The following FLT3LG variants were observed in gnomAD, a reference collection of about 807,000 sequenced individuals.
FLT3LG encodes fms related receptor tyrosine kinase 3 ligand.
Under a neutral mutation model 30.9 loss-of-function variants are expected in FLT3LG, and 8 were observed. That is an observed-to-expected ratio of 0.26 (90% CI 0.15 to 0.47). The LOEUF (loss-of-function observed/expected upper bound fraction) is 0.47, where lower values mean the gene tolerates loss of function less well. Among genes scored for constraint, FLT3LG ranks in the 20% least tolerant of loss-of-function variants. The pLI, the probability that FLT3LG is intolerant of heterozygous loss-of-function variation, is 0.99. For synonymous variants in FLT3LG, 123 were observed against 135.9 expected, an observed-to-expected ratio of 0.91 and a Z score of 0.66; for missense variants, 278 against 306.2, an observed-to-expected ratio of 0.91 and a Z score of 0.69.
In FLT3LG at chr19:49,480,904, T is replaced by C. The variant is rs186595431; in HGVS notation, c.*21+284T>C. ...AAAATTAACTGGGCATAGTGGTGTG[T>C]GCCTGTAATCCCAGCTACTCAGGAG... On this transcript the variant is annotated intron_variant, in intron 8 of 8. Transcript: ENST00000597551. The C allele has an allele frequency of 2.2e-3, 780 of 357,772 alleles. 3 individuals are homozygous for C. The highest frequency in any genetic ancestry group is 0.015 in the African/African-American group (736 of 47,878). The allele number at this position is 357,772 out of a possible 1,614,324, so 22.2% of individuals were successfully genotyped here. A position where few individuals can be genotyped will look rare whatever the true frequency, so the allele number is the denominator to read the frequency against.
rs371738262 is a variant in FLT3LG at position 49,484,654 on chromosome 19, A to G, written c.*22-1361A>G. On this transcript the variant is annotated intron_variant, in intron 8 of 8. Coordinates refer to ENST00000597551, the MANE Select transcript of FLT3LG (RefSeq NM_001459.4). ...TGGGATTACAGGCACACACCACCAC[A>G]CCTGGCTAATTTTTGTATTTTTAGT... Among the ~76,000 whole-genome samples, 705 of 151,426 alleles carry G rather than the reference A, an allele frequency of 4.7e-3. 2 individuals are homozygous for G. Among genetic ancestry groups the G allele is most frequent in the African/African-American group, 0.016 (677 of 41,268 alleles).
At chr19:49,477,203 G>A (rs1209425644) in intron 5 of FLT3LG, among the ~76,000 whole-genome samples, 1 of 152,116 alleles carries the variant, frequency 6.6e-6, no homozygotes, top group Non-Finnish European at 1.5e-5. Flanking sequence ...CACTTTCGGA[G>A]GCCAAGGTGG....
At chr19:49,480,861 G>A in intron 8 of FLT3LG, 1 of 513,936 alleles carries the variant, frequency 1.9e-6, no homozygotes, top group South Asian at 2.4e-5. Flanking sequence ...GCAAACCCCA[G>A]TCTCTACTAA....
chr19:49,484,448 C>A (rs1248323016), intron 8 of FLT3LG, among the ~76,000 whole-genome samples: 1 of 151,820 alleles, frequency 6.6e-6, no homozygotes, highest in Admixed American at 6.6e-5. Context: ...GCGCCTGCCA[C>A]CACGCCCAAC....
chr19:49,474,682 C>T lies in FLT3LG; in HGVS notation c.33+10C>T. ...AGCCTGGAGCCCAACAGTGCGTAAACCCCAGGGACAAGATCAGGGGAGAGG... is the reference window on the plus strand; with the variant it reads ...AGCCTGGAGCCCAACAGTGCGTAAATCCCAGGGACAAGATCAGGGGAGAGG... On this transcript the variant is annotated intron_variant, in intron 2 of 8. Transcript: ENST00000597551. 3 of 1,611,642 alleles carry T rather than the reference C, an allele frequency of 1.9e-6. No individual in the cohort carries two copies. Among genetic ancestry groups the T allele is most frequent in the Non-Finnish European group, 2.5e-6 (3 of 1,179,412 alleles).
At chr19:49,485,078 G>A (rs918673186) in intron 8 of FLT3LG, among the ~76,000 whole-genome samples, 1 of 151,804 alleles carries the variant, frequency 6.6e-6, no homozygotes, top group African/African-American at 2.4e-5. Flanking sequence ...GAGCAAGACT[G>A]TCTCAAAAGA....
intron 6 of FLT3LG, 146 bp downstream of exon 6, chr19:49,479,193 A>ATTT: frequency 3.0e-6 from 2 of 670,728 alleles, no homozygotes; most frequent in Non-Finnish European, 4.2e-6. Flanking sequence ...TCAGTTTACC[A>ATTT]ATTTTTTTTT....
chr19:49,480,514 G>A lies in FLT3LG; in HGVS notation c.660+38G>A, dbSNP rs772009290. 1.9e-6 allele frequency: 3 copies of A among 1,607,830 alleles called. No individual in the cohort carries two copies. In the Admixed American group the frequency reaches 5.1e-5, roughly 27 times the overall value. On this transcript the variant is annotated intron_variant, in intron 7 of 8. Transcript: ENST00000597551. ...GGAAGAGGGGGTGAGGGGGCCGAGA[G>A]GGTGGCCCACTTGTGGCTGACACTT...
chr19:49,476,757 T>C lies in FLT3LG; in HGVS notation c.342+191T>C, dbSNP rs2122495606. The stretch of plus-strand genomic sequence containing the variant: ...CCCAGGCACCGGTGATGGGGAGCAG[T>C]CTGGTCCCATTCTGGGGCCCCGGTT... On this transcript the variant is annotated intron_variant, in intron 5 of 8. Coordinates refer to ENST00000597551, the MANE Select transcript of FLT3LG (RefSeq NM_001459.4). This position sits in a 1 kb window ranked among gnomAD's most constrained non-coding sequence, Gnocchi z 5.3. 2 of 692,828 alleles carry C rather than the reference T, an allele frequency of 2.9e-6. No individual in the cohort carries two copies. Among genetic ancestry groups the C allele is most frequent in the South Asian group, 2.0e-5 (1 of 49,788 alleles). The allele number at this position is 692,828 out of a possible 1,614,324, so 42.9% of individuals were successfully genotyped here.
At chr19:49,482,844 G>A (rs994274661) in intron 8 of FLT3LG, among the ~76,000 whole-genome samples, 17 of 151,588 alleles carry the variant, frequency 1.1e-4, no homozygotes, top group Admixed American at 9.2e-4. Context: ...GGTCAGGCTG[G>A]TCTCGAACTC....
At position 49,474,654 on chromosome 19, in the gene FLT3LG, G is replaced by A. The variant is rs769588331; in HGVS notation, c.15G>A (p.Ala5=). The A allele has an allele frequency of 2.5e-6, 4 of 1,612,600 alleles. No individual in the cohort carries two copies. Among genetic ancestry groups the A allele is most frequent in the East Asian group, 4.5e-5 (2 of 44,802 alleles). MTVL[A]PAWSPTTYLL... ...CCCCGGCCGAAATGACAGTGCTGGC[G>A]CCAGCCTGGAGCCCAACAGTGCGTA... The change falls in exon 2 of 9, where the codon GCG becomes GCA. Residue 5 remains alanine, a synonymous_variant. Coordinates refer to ENST00000597551, the MANE Select transcript of FLT3LG (RefSeq NM_001459.4).
intron 6 of FLT3LG, among the ~76,000 whole-genome samples, 187 bp from the exon 7 acceptor site, chr19:49,480,111 T>TTGTGACATTTGTGA (rs2079550686): frequency 6.6e-6 from 1 of 152,192 alleles, no homozygotes; most frequent in Non-Finnish European, 1.5e-5. Flanking sequence ...GCCTATTCAC[T>TTGTGACATTTGTGA]CATTTAATTT....
In FLT3LG at chr19:49,476,768, T is replaced by G. The variant is rs2079408571; in HGVS notation, c.342+202T>G. 3.1e-6 allele frequency: 2 copies of G among 641,344 alleles called. No homozygotes were observed. The allele number at this position is 641,344 out of a possible 1,614,324, so 39.7% of individuals were successfully genotyped here. On this transcript the variant is annotated intron_variant, in intron 5 of 8. Transcript: ENST00000597551. The surrounding 1 kb of genome is among the most constrained non-coding windows in gnomAD (Gnocchi z 5.3). Reference sequence around the variant, plus strand: ...GTGATGGGGAGCAGTCTGGTCCCATTCTGGGGCCCCGGTTTCCTAGGCCAT... The same window carrying G: ...GTGATGGGGAGCAGTCTGGTCCCATGCTGGGGCCCCGGTTTCCTAGGCCAT...
Position 49,475,761 on chromosome 19 carries a change from G to A in FLT3LG, c.104G>A (p.Ser35Asn), listed in dbSNP as rs1444695355. The change falls in exon 3 of 9, where the codon AGC (serine) becomes AAC (asparagine). Residue 35 changes from serine (S) to asparagine (N), a missense_variant. Transcript: ENST00000597551. ...ACCCAGGACTGCTCCTTCCAACACA[G>A]CCCCATCTCCTCCGACTTCGCTGTC... is the stretch of plus-strand genomic sequence containing the variant. ...SGTQDCSFQH[S>N]PISSDFAVKI... 2 of 1,612,424 alleles carry A rather than the reference G, an allele frequency of 1.2e-6. No individual in the cohort carries two copies. The highest frequency in any genetic ancestry group is 2.7e-5 in the African/African-American group (2 of 74,858).
intron 8 of FLT3LG, among the ~76,000 whole-genome samples, chr19:49,484,007 C>A (rs911022952): frequency 1.3e-5 from 2 of 151,402 alleles, no homozygotes; most frequent in Non-Finnish European, 2.9e-5. Flanking sequence ...GCCTCAGCCT[C>A]CCCAGTAGCT....
chr19:49,480,835 C>T (rs954684890), intron 8 of FLT3LG: 1 of 559,724 alleles, frequency 1.8e-6, no homozygotes, highest in Non-Finnish European at 3.2e-6. Flanking sequence ...AGTTCAAGAC[C>T]AGCCTGGCCA....
At chr19:49,483,251 G>A (rs977349868) in intron 8 of FLT3LG, among the ~76,000 whole-genome samples, 22 of 151,666 alleles carry the variant, frequency 1.5e-4, no homozygotes, top group African/African-American at 4.6e-4. Flanking sequence ...TCAGCCTCCC[G>A]AGTACCTGGG....
rs2079488623 is a variant in FLT3LG, at chr19:49,478,786, ACT to A, written c.343-120_343-119del. On this transcript the variant is annotated intron_variant, in intron 5 of 8. Coordinates refer to ENST00000597551, the MANE Select transcript of FLT3LG (RefSeq NM_001459.4). Reference sequence around the variant, plus strand: ...AAAAATTAATTAATTAAATAAATAAACTCTGAGAGCCAGAGCTCACTGGGCCC... The same window carrying A: ...AAAAATTAATTAATTAAATAAATAAACTGAGAGCCAGAGCTCACTGGGCCC... The A allele has an allele frequency of 8.2e-6, 7 of 856,396 alleles. No individual in the cohort carries two copies. The East Asian group carries it at 2.0e-4, about 24-fold the overall frequency. 53.0% of individuals were successfully genotyped at this position (856,396 alleles called of 1,614,324 possible).
At chr19:49,475,557 G>C in intron 2 of FLT3LG, 134 bp from the exon 3 acceptor site, 1 of 1,197,210 alleles carries the variant, frequency 8.4e-7, no homozygotes, top group South Asian at 1.5e-5. Flanking sequence ...CATGTCTCCA[G>C]AAAGTGTGGA....
Sources: gnomAD v4.1 joint callset for allele counts (sites outside exome capture counted in the v4.1 genomes callset) on GRCh38, gnomAD v4.1.1 for gene constraint, Gnocchi (gnomAD v3.1) non-coding constraint, MANE v1.5 for transcripts, NCBI Gene and HGNC (gene_info 2026-07-23, HGNC 2026-07-21) for gene names.